The following INPP4A variants were observed in gnomAD, a reference collection of about 807,000 sequenced individuals.
INPP4A encodes the protein inositol polyphosphate-4-phosphatase type I A.
Under a neutral mutation model 119.8 loss-of-function variants are expected in INPP4A, and 33 were observed. The observed-to-expected ratio is 0.28, with a 90% CI of 0.21 to 0.37. The LOEUF is 0.37. INPP4A is among the 10% of genes least tolerant of loss of function. The pLI is 1.00. For missense variants in INPP4A, 956 were observed against 1,289.9 expected, an observed-to-expected ratio of 0.74 and a Z score of 3.97; for synonymous variants, 496 against 500.7, an observed-to-expected ratio of 0.99 and a Z score of 0.12.
intron 1 of INPP4A, among the ~76,000 whole-genome samples, chr2:98,497,768 A>G (rs1682318907): frequency 6.6e-6 from 1 of 152,158 alleles, no homozygotes; most frequent in South Asian, 2.1e-4. Flanking sequence ...GTGGAAGCCC[A>G]CCTCTTGCAT....
At chr2:98,538,039 G>A in intron 8 of INPP4A, 65 bp downstream of exon 8, 1 of 1,108,550 alleles carries the variant, frequency 9.0e-7, no homozygotes, top group South Asian at 1.5e-5. Flanking sequence ...TAAAAATGCA[G>A]CCCTCGTGGA....
At chr2:98,455,481 G>A (rs769740244) in intron 1 of INPP4A, among the ~76,000 whole-genome samples, 20 of 152,190 alleles carry the variant, frequency 1.3e-4, no homozygotes, top group Non-Finnish European at 2.8e-4. Flanking sequence ...TAGAAGGGAA[G>A]CGCTAGCAGT....
At chr2:98,504,707 A>T (rs1051790044) in intron 1 of INPP4A, among the ~76,000 whole-genome samples, 1 of 152,220 alleles carries the variant, frequency 6.6e-6, no homozygotes, top group Admixed American at 6.5e-5. Flanking sequence ...TCGTGAAGCC[A>T]ATTTTGACAC....
chr2:98,467,501 G>A (rs1377114995), intron 1 of INPP4A, among the ~76,000 whole-genome samples: 1 of 152,156 alleles, frequency 6.6e-6, no homozygotes, highest in East Asian at 1.9e-4. Context: ...AGCAATGTTA[G>A]CGACACCGTC....
In INPP4A at chr2:98,554,140, C is replaced by A; in HGVS notation, c.1348-131C>A. On this transcript the variant is annotated intron_variant, in intron 14 of 24. Transcript: ENST00000409851. The surrounding 1 kb of genome is among the most constrained non-coding windows in gnomAD (Gnocchi z 4.7). ...CTTGAGGGATGTAGCCCTTCAGTTG[C>A]TTTGCACTGTGGAGAAAGGCAGAGG... 1.5e-6 allele frequency: 1 copy of A among 670,632 alleles called. No individual in the cohort carries two copies. The highest frequency in any genetic ancestry group is 2.5e-6 in the Non-Finnish European group (1 of 399,140). The allele number at this position is 670,632 out of a possible 1,614,324, so 41.5% of individuals were successfully genotyped here.
intron 19 of INPP4A, among the ~76,000 whole-genome samples, chr2:98,564,988 C>T (rs1696170457): frequency 6.6e-6 from 1 of 152,242 alleles, no homozygotes; most frequent in Non-Finnish European, 1.5e-5. Flanking sequence ...CAGTAACTTC[C>T]TGTTGGACTT....
intron 1 of INPP4A, among the ~76,000 whole-genome samples, chr2:98,463,967 T>C (rs1021233934): frequency 1.3e-5 from 2 of 152,212 alleles, no homozygotes; most frequent in African/African-American, 4.8e-5. Flanking sequence ...CTCCACCCAG[T>C]GAACCTGGCG....
chr2:98,444,673 T>C (rs1187635244), upstream of INPP4A, among the ~76,000 whole-genome samples: 3 of 152,192 alleles, frequency 2.0e-5, no homozygotes, highest in African/African-American at 7.2e-5. Flanking sequence ...AGTCACAGGA[T>C]AGGGTGGGAT....
At chr2:98,581,626 C>A (rs1205961733) in intron 24 of INPP4A, 9 of 1,572,220 alleles carry the variant, frequency 5.7e-6, no homozygotes, top group Non-Finnish European at 6.9e-6. Context: ...GGCCTGGTGC[C>A]CATCCGAGAC....
At chr2:98,455,701 A>G (rs1696020300) in intron 1 of INPP4A, among the ~76,000 whole-genome samples, 1 of 152,210 alleles carries the variant, frequency 6.6e-6, no homozygotes, top group Non-Finnish European at 1.5e-5. Flanking sequence ...CATTGGACTA[A>G]GACACACACA....
chr2:98,585,600 C>T (rs1266292483), intron 24 of INPP4A, among the ~76,000 whole-genome samples: 34 of 152,204 alleles, frequency 2.2e-4, no homozygotes, highest in Admixed American at 2.0e-3. Flanking sequence ...CTGCATGCCT[C>T]GCCCCGGGCC....
At chr2:98,559,434 C>T (rs1695060858) in intron 16 of INPP4A, 29 bp from the exon 17 acceptor site, 1 of 1,613,612 alleles carries the variant, frequency 6.2e-7, no homozygotes, top group South Asian at 1.1e-5. Context: ...GCTCCTTAAT[C>T]ATCCATGTCG....
intron 4 of INPP4A, among the ~76,000 whole-genome samples, chr2:98,528,084 A>G (rs1238510418): frequency 1.3e-5 from 2 of 152,254 alleles, no homozygotes; most frequent in Admixed American, 6.5e-5. Context: ...CTTAGTAGAC[A>G]AAGATTTTTA....
At chr2:98,467,865 G>C (rs1675123385) in intron 1 of INPP4A, among the ~76,000 whole-genome samples, 1 of 152,016 alleles carries the variant, frequency 6.6e-6, no homozygotes, top group African/African-American at 2.4e-5. Flanking sequence ...TTATCTATTA[G>C]TTATTAACTG....
chr2:98,492,285 A>G (rs1285440145), intron 1 of INPP4A, among the ~76,000 whole-genome samples: 1 of 152,208 alleles, frequency 6.6e-6, no homozygotes, highest in Non-Finnish European at 1.5e-5. Flanking sequence ...ACACCATCCT[A>G]AAGTCGAAAA....
chr2:98,463,467 G>T (rs576080808), intron 1 of INPP4A, among the ~76,000 whole-genome samples: 7 of 152,368 alleles, frequency 4.6e-5, no homozygotes, highest in African/African-American at 1.4e-4. Flanking sequence ...GGCCTGGGCA[G>T]CACGTTGCAC....
intron 4 of INPP4A, among the ~76,000 whole-genome samples, chr2:98,523,993 A>G (rs1256606130): frequency 6.6e-6 from 1 of 152,114 alleles, no homozygotes; most frequent in Admixed American, 6.5e-5. Context: ...ATGTGGCAAA[A>G]TACCTTTTTT....
At chr2:98,493,426 ATTTTT>A (rs371958433) in intron 1 of INPP4A, among the ~76,000 whole-genome samples, 2 of 123,112 alleles carry the variant, frequency 1.6e-5, no homozygotes, top group African/African-American at 3.1e-5. Context: ...TTCTATTTCT[ATTTTT>A]TTTTTTTTTT....
intron 1 of INPP4A, among the ~76,000 whole-genome samples, chr2:98,473,873 G>T (rs1020738097): frequency 6.6e-6 from 1 of 152,158 alleles, no homozygotes; most frequent in Non-Finnish European, 1.5e-5. Flanking sequence ...TTCTGTTTGA[G>T]GGCATTACAT....
Sources: gnomAD v4.1 joint callset for allele counts (sites outside exome capture counted in the v4.1 genomes callset) on GRCh38, gnomAD v4.1.1 for gene constraint, Gnocchi (gnomAD v3.1) non-coding constraint, MANE v1.5 for transcripts, NCBI Gene and HGNC (gene_info 2026-07-23, HGNC 2026-07-21) for gene names.